Variants in EPPK1 observed in about 807,000 individuals in gnomAD.
The protein encoded by EPPK1 is epiplakin 1, also known as epiplakin.
For missense variants in EPPK1, 3,823 were observed against 3,673.3 expected, an observed-to-expected ratio of 1.04 and a Z score of -1.05; for synonymous variants, 1,862 against 1,721.2, an observed-to-expected ratio of 1.08 and a Z score of -2.03.
chr8:143,872,785 T>A lies in EPPK1; in HGVS notation c.469A>T (p.Thr157Ser). 1 of 1,577,268 alleles carries A rather than the reference T, an allele frequency of 6.3e-7. No homozygotes were observed. The highest frequency in any genetic ancestry group is 1.3e-5 in the African/African-American group (1 of 74,348). Residue 157 changes from threonine to serine, a missense_variant, in exon 2 of 2, where the codon ACT becomes TCT. Thr to Ser is a moderately conservative substitution (Grantham distance 58, BLOSUM62 1). Coordinates refer to ENST00000615648, the MANE Select transcript of EPPK1 (RefSeq NM_031308.4). ...TGGGCGGGGTCCACCAGGCCCCCAG[T>A]GGCCAGTTGGACCTCCAGCCAGCTC... ...GQSWLEVQLA[T>S]GGLVDPAQGV... is the part of the protein sequence containing the mutation.
At chr8:143,875,562 C>G (rs782637956) in intron 1 of EPPK1, among the ~76,000 whole-genome samples, 1 of 152,238 alleles carries the variant, frequency 6.6e-6, no homozygotes, top group Non-Finnish European at 1.5e-5. Flanking sequence ...GCTGGGAAGA[C>G]GTGGAGGATT....
chr8:143,869,412 TC>T lies in EPPK1; in HGVS notation c.3841del (p.Glu1281LysfsTer13), dbSNP rs782177995. 11 of 1,603,990 alleles carry T rather than the reference TC, an allele frequency of 6.9e-6. No individual in the cohort carries two copies. Among genetic ancestry groups the T allele is most frequent in the Admixed American group, 1.7e-5 (1 of 59,516 alleles). ...AAGGAAGCCAGATGCCACCTGGGCT[TC>T]CAGCAGCCTCTGGCCCAGGCCTGTG... is the stretch of plus-strand genomic sequence containing the variant. ...LPTGLGQRLL[E>X]AQVASGFLVD... On this transcript the variant is annotated frameshift_variant, in exon 2 of 2. Coordinates refer to ENST00000615648, the MANE Select transcript of EPPK1 (RefSeq NM_031308.4). LOFTEE classifies it low-confidence loss of function (END_TRUNC).
Position 143,871,851 on chromosome 8 carries a change from A to G in EPPK1, c.1403T>C (p.Leu468Pro). The G allele has an allele frequency of 6.2e-7, 1 of 1,611,740 alleles. No homozygotes were observed. The highest frequency in any genetic ancestry group is 1.1e-5 in the South Asian group (1 of 91,080). ...DPETGLAFLP[L>P]SGGPRGGEPQ... ...CTCCCCTCCCCGGGGTCCCCCTGAG[A>G]GTGGCAGGAAGGCAAGCCCGGTCTC... Residue 468 changes from leucine (L) to proline (P), a missense_variant, in exon 2 of 2, where the codon CTC becomes CCC. Leu to Pro is a moderately conservative substitution (Grantham distance 98). Transcript: ENST00000615648.
chr8:143,878,412 C>T lies in EPPK1; in HGVS notation c.-46+26G>A, dbSNP rs868965096. The T allele has an allele frequency of 7.2e-3, 708 of 98,112 alleles. 12 individuals are homozygous for T. The highest frequency in any genetic ancestry group is 0.052 in the East Asian group (168 of 3,208). The allele number at this position is 98,112 out of a possible 1,614,324, so 6.1% of individuals were successfully genotyped here. A position where few individuals can be genotyped will look rare whatever the true frequency, so the allele number is the denominator to read the frequency against. Reference sequence around the variant, plus strand: ...CGCACCTGCCCGCACCCGCCGCACCCGCCGCACCCGCCGCACCCGCCGCAC... The same window carrying T: ...CGCACCTGCCCGCACCCGCCGCACCTGCCGCACCCGCCGCACCCGCCGCAC... On this transcript the variant is annotated intron_variant, in intron 1 of 1. Transcript: ENST00000615648.
rs1280844214 is a variant in EPPK1 at position 143,872,930 on chromosome 8, C to T, written c.324G>A (p.Leu108=). 6.2e-7 allele frequency: 1 copy of T among 1,608,700 alleles called. No homozygotes were observed. Among genetic ancestry groups the T allele is most frequent in the Non-Finnish European group, 8.5e-7 (1 of 1,177,696 alleles). Residue 108 remains leucine, a synonymous_variant, in exon 2 of 2, where the codon CTG becomes CTA. Transcript: ENST00000615648. ...ALQQGLVGLE[L]KEKLLAAERA... The stretch of plus-strand genomic sequence containing the variant: ...GCTCAGCGGCCAGCAGCTTCTCCTT[C>T]AGCTCCAGCCCCACCAGACCCTGCT...
In EPPK1 at chr8:143,872,443, C is replaced by T. The variant is rs782075844; in HGVS notation, c.811G>A (p.Val271Met). 3.6e-5 allele frequency: 57 copies of T among 1,598,204 alleles called. No individual in the cohort carries two copies. The highest frequency in any genetic ancestry group is 1.7e-4 in the Middle Eastern group (1 of 6,042). ...LREGRLAAVD[V>M]SARAEVRRYL... is the part of the protein sequence containing the mutation. ...CGCCGCACCTCGGCACGTGCACTCACGTCCACTGCGGCCAGCCTGCCCTCC... is the reference window on the plus strand; with the variant it reads ...CGCCGCACCTCGGCACGTGCACTCATGTCCACTGCGGCCAGCCTGCCCTCC... Residue 271 changes from valine to methionine, a missense_variant, in exon 2 of 2, where the codon GTG becomes ATG. Physicochemically the swap from Val to Met is conservative, Grantham distance 21 (BLOSUM62 1). Coordinates refer to ENST00000615648, the MANE Select transcript of EPPK1 (RefSeq NM_031308.4).
In EPPK1 at chr8:143,868,637, G is replaced by A. The variant is rs781892821; in HGVS notation, c.4617C>T (p.Ile1539=). 8 of 1,592,532 alleles carry A rather than the reference G, an allele frequency of 5.0e-6. No homozygotes were observed. The highest frequency in any genetic ancestry group is 6.8e-6 in the Non-Finnish European group (8 of 1,170,482). The change falls in exon 2 of 2, where the codon ATC becomes ATT. Residue 1539 remains isoleucine, a synonymous_variant. Coordinates refer to ENST00000615648, the MANE Select transcript of EPPK1 (RefSeq NM_031308.4). ...SARDLFRAQL[I]SRKTLDELSQ... is the part of the protein sequence containing the mutation. ...TCAGCTCGTCCAGCGTCTTCCTGCT[G>A]ATCAGCTGCGCCCTGAACAGGTCCC...
At chr8:143,878,991 A>AC (rs1819546420), upstream of EPPK1, among the ~76,000 whole-genome samples, 1 of 151,578 alleles carries the variant, frequency 6.6e-6, no homozygotes, top group South Asian at 2.1e-4. Flanking sequence ...GCCAGGCCTC[A>AC]CCCCCCGGTC....
chr8:143,857,793 T>G lies in EPPK1; in HGVS notation c.*194A>C. 2.0e-6 allele frequency: 1 copy of G among 505,310 alleles called. No homozygotes were observed. The highest frequency in any genetic ancestry group is 3.8e-5 in the Admixed American group (1 of 26,306). The allele number at this position is 505,310 out of a possible 1,614,324, so 31.3% of individuals were successfully genotyped here. A position where few individuals can be genotyped will look rare whatever the true frequency, so the allele number is the denominator to read the frequency against. On this transcript the variant is annotated 3_prime_UTR_variant, in exon 2 of 2. Transcript: ENST00000615648. ...CGACCCAGAAAACACACCAAAAAAC[T>G]TATGAAACACCTCGATGGACAAAGG...
In EPPK1 at chr8:143,858,044, C is replaced by T. The variant is rs782417603; in HGVS notation, c.15210G>A (p.Gln5070=). ...CCGTCTCAGGGTCCAGGGTGGCCCT[C>T]TGCAGAAGCTGCAGGTACGTGAGGT... ...HENLTYLQLL[Q]RATLDPETGL... is the part of the protein sequence containing the mutation. Residue 5070 remains glutamine (Q), a synonymous_variant, in exon 2 of 2, where the codon CAG becomes CAA. Transcript: ENST00000615648. The T allele has an allele frequency of 1.2e-6, 2 of 1,613,262 alleles. No homozygotes were observed. Among genetic ancestry groups the T allele is most frequent in the Admixed American group, 1.7e-5 (1 of 60,026 alleles).
Position 143,858,279 on chromosome 8 carries a change from G to A in EPPK1, c.14975C>T (p.Ala4992Val). The change falls in exon 2 of 2, where the codon GCC (alanine) becomes GTC (valine). Residue 4992 changes from alanine to valine, a missense_variant. By Grantham distance (64) the Ala-to-Val change is moderately conservative (BLOSUM62 0). Coordinates refer to ENST00000615648, the MANE Select transcript of EPPK1 (RefSeq NM_031308.4). ...YTGQQISLFQAMQKDLIVREH... is the reference protein window; with the variant it reads ...YTGQQISLFQVMQKDLIVREH... ...CCGGACGATGAGGTCCTTCTGCATGGCCTGGAAGAGGGAGATCTGCTGCCC... is the reference window on the plus strand; with the variant it reads ...CCGGACGATGAGGTCCTTCTGCATGACCTGGAAGAGGGAGATCTGCTGCCC... 6.3e-7 allele frequency: 1 copy of A among 1,585,400 alleles called. No homozygotes were observed. The highest frequency in any genetic ancestry group is 8.5e-7 in the Non-Finnish European group (1 of 1,171,264).
In EPPK1 at chr8:143,872,263, G is replaced by T. The variant is rs782339630; in HGVS notation, c.991C>A (p.Pro331Thr). The change falls in exon 2 of 2, where the codon CCC (proline) becomes ACC (threonine). Residue 331 changes from proline to threonine, a missense_variant. Coordinates refer to ENST00000615648, the MANE Select transcript of EPPK1 (RefSeq NM_031308.4). ...AQAATHTLVDPITGQRLWVDE... is the reference protein window; with the variant it reads ...AQAATHTLVDTITGQRLWVDE... The stretch of plus-strand genomic sequence containing the variant: ...ACCCACAGCCGCTGGCCTGTGATGG[G>T]GTCCACCAGGGTGTGGGTGGCAGCC... 6.2e-7 allele frequency: 1 copy of T among 1,608,320 alleles called. No individual in the cohort carries two copies. Among genetic ancestry groups the T allele is most frequent in the Admixed American group, 1.7e-5 (1 of 59,734 alleles).
rs782330471 is a variant in EPPK1 at position 143,872,779 on chromosome 8, C to T, written c.475G>A (p.Gly159Ser). ...ACTCCCTGGGCGGGGTCCACCAGGC[C>T]CCCAGTGGCCAGTTGGACCTCCAGC... ...SWLEVQLATG[G>S]LVDPAQGVLV... Residue 159 changes from glycine (G) to serine (S), a missense_variant, in exon 2 of 2, where the codon GGC becomes AGC. Transcript: ENST00000615648. 6.3e-7 allele frequency: 1 copy of T among 1,578,670 alleles called. No individual in the cohort carries two copies. The highest frequency in any genetic ancestry group is 8.6e-7 in the Non-Finnish European group (1 of 1,158,456).
At chr8:143,878,131 G>A (rs1046607994) in intron 1 of EPPK1, among the ~76,000 whole-genome samples, 2 of 151,958 alleles carry the variant, frequency 1.3e-5, no homozygotes, top group African/African-American at 4.8e-5. Context: ...GCCCCTGGCC[G>A]CCTCTCCCGT....
chr8:143,875,038 G>C (rs1365786518), intron 1 of EPPK1, among the ~76,000 whole-genome samples: 1 of 152,138 alleles, frequency 6.6e-6, no homozygotes, highest in Non-Finnish European at 1.5e-5. Flanking sequence ...CATTAACTCT[G>C]AGACCTCCTC....
In EPPK1 at chr8:143,865,922, C is replaced by T; in HGVS notation, c.7332G>A (p.Ser2444=). The change falls in exon 2 of 2, where the codon TCG becomes TCA. Residue 2444 remains serine (S), a synonymous_variant. Transcript: ENST00000615648. ...AGACGCTCTGGCCCTGGAGGGCGCC[C>T]GAGCCTGGCGTCACGCGGGCGTCGC... ...ALRDARVTPG[S]GALQGQSVSV... The T allele has an allele frequency of 2.7e-5, 1 of 37,660 alleles. No individual in the cohort carries two copies. Among genetic ancestry groups the T allele is most frequent in the Non-Finnish European group, 4.0e-5 (1 of 25,034 alleles). The allele number at this position is 37,660 out of a possible 1,614,324, so 2.3% of individuals were successfully genotyped here. A position where few individuals can be genotyped will look rare whatever the true frequency, so the allele number is the denominator to read the frequency against.
intron 1 of EPPK1, among the ~76,000 whole-genome samples, chr8:143,878,076 G>A (rs1819515252): frequency 6.6e-6 from 1 of 152,038 alleles, no homozygotes; most frequent in South Asian, 2.1e-4. Flanking sequence ...GCGTGCCCCG[G>A]GCGGTCCTCG....
At position 143,868,768 on chromosome 8, in the gene EPPK1, C is replaced by A; in HGVS notation, c.4486G>T (p.Ala1496Ser). ...GCGCTGACCACCTGCCGCAGGGCCG[C>A]AGCCCTCCCAGACCGACAGAGTGCC... Reference protein sequence around the residue: ...LVALCRSGRAAALRQVVSAVT... With the variant: ...LVALCRSGRASALRQVVSAVT... Residue 1496 changes from alanine (A) to serine (S), a missense_variant, in exon 2 of 2, where the codon GCG (alanine) becomes TCG (serine). By Grantham distance (99) the Ala-to-Ser change is moderately conservative. Coordinates refer to ENST00000615648, the MANE Select transcript of EPPK1 (RefSeq NM_031308.4). The A allele has an allele frequency of 6.3e-7, 1 of 1,594,764 alleles. No individual in the cohort carries two copies.
chr8:143,877,383 T>A (rs1819502372), intron 1 of EPPK1, among the ~76,000 whole-genome samples: 1 of 152,006 alleles, frequency 6.6e-6, no homozygotes, highest in African/African-American at 2.4e-5. Context: ...AGGTGGCTGC[T>A]GCCTAGGAGA....
Sources: gnomAD v4.1 joint callset for allele counts (sites outside exome capture counted in the v4.1 genomes callset) on GRCh38, gnomAD v4.1.1 for gene constraint, MANE v1.5 for transcripts, NCBI Gene and HGNC (gene_info 2026-07-23, HGNC 2026-07-21) for gene names.